Variants in WDR17 observed in about 807,000 individuals in gnomAD.
WDR17 encodes the protein WD repeat domain 17.
In WDR17, 143 loss-of-function variants were observed where a neutral mutation model predicts 161.7. The observed-to-expected ratio is 0.88, with a 90% confidence interval of 0.77 to 1.02. WDR17 has a LOEUF of 1.02. Among genes scored for constraint, WDR17 ranks in the 50% least tolerant of loss-of-function variants. The pLI, the probability that WDR17 is intolerant of heterozygous loss-of-function variation, is 0.00. For missense variants in WDR17, 1,469 were observed against 1,520.9 expected (o/e 0.97, Z 0.57); for synonymous variants, 517 against 515.6 (o/e 1.00, Z -0.04).
At chr4:176,076,542 A>G (rs1240909796) in intron 1 of WDR17, among the ~76,000 whole-genome samples, 1 of 150,738 alleles carries the variant, frequency 6.6e-6, no homozygotes, top group Non-Finnish European at 1.5e-5. Flanking sequence ...GTATCTTTCA[A>G]TTTCTCTAAA....
chr4:176,107,573 T>C (rs1339188968), intron 1 of WDR17, among the ~76,000 whole-genome samples: 1 of 151,474 alleles, frequency 6.6e-6, no homozygotes, highest in Admixed American at 6.6e-5. Context: ...ATATGGCATA[T>C]ATGCACAATG....
In WDR17 at chr4:176,181,434, T is replaced by A; in HGVS notation, c.*1855T>A. 1 of 201,298 alleles carries A rather than the reference T, an allele frequency of 5.0e-6. No homozygotes were observed. The highest frequency in any genetic ancestry group is 9.7e-6 in the Non-Finnish European group (1 of 103,320). The allele number at this position is 201,298 out of a possible 1,614,324, so 12.5% of individuals were successfully genotyped here. A position where few individuals can be genotyped will look rare whatever the true frequency, so the allele number is the denominator to read the frequency against. ...GTGAGCTGAGATCGCACTACTGCACTCCAGCCTGGGCGACAGAGCAAGACC... is the reference window on the plus strand; with the variant it reads ...GTGAGCTGAGATCGCACTACTGCACACCAGCCTGGGCGACAGAGCAAGACC... On this transcript the variant is annotated 3_prime_UTR_variant, in exon 29 of 29. Transcript: ENST00000508596.
In WDR17 at chr4:176,125,203, A is replaced by G. The variant is rs1561138031; in HGVS notation, c.638A>G (p.Asp213Gly). The change falls in exon 5 of 29, where the codon GAT becomes GGT. Residue 213 changes from aspartate to glycine, a missense_variant. Physicochemically the swap from Asp to Gly is moderately conservative, Grantham distance 94. Coordinates refer to ENST00000508596, the MANE Select transcript of WDR17 (RefSeq NM_181265.4). ...TTGGAATGGGACCCACTATCTACTG[A>G]TTATCTTCTAGTGGTTAATTTGCAT... ...TALEWDPLSTDYLLVVNLHYG... is the reference protein window; with the variant it reads ...TALEWDPLSTGYLLVVNLHYG... The G allele has an allele frequency of 1.9e-6, 3 of 1,614,106 alleles. No individual in the cohort carries two copies. Among genetic ancestry groups the G allele is most frequent in the African/African-American group, 2.7e-5 (2 of 75,020 alleles).
chr4:176,130,764 CTG>C (rs1743312161), intron 6 of WDR17, among the ~76,000 whole-genome samples: 1 of 145,428 alleles, frequency 6.9e-6, no homozygotes, highest in Admixed American at 6.8e-5. Flanking sequence ...AAAAAAAAAA[CTG>C]AGAAATATTT....
intron 22 of WDR17, chr4:176,166,151 T>C (rs749629875): frequency 2.0e-6 from 2 of 975,996 alleles, no homozygotes; most frequent in Admixed American, 6.0e-5. Context: ...ACAGGTATTA[T>C]CTACTTTTAT....
rs1049820867 is a variant in WDR17, at chr4:176,120,177, G to A, written c.538+80G>A. The A allele has an allele frequency of 2.9e-5, 31 of 1,086,364 alleles. No individual in the cohort carries two copies. In the Admixed American group the frequency reaches 6.6e-4, roughly 23 times the overall value. 67.3% of individuals were successfully genotyped at this position (1,086,364 alleles called of 1,614,324 possible). A position where few individuals can be genotyped will look rare whatever the true frequency, so the allele number is the denominator to read the frequency against. ...TTTGTACTTGCTTGGTCTTTCTAGT[G>A]ACCAGTCCCCATTGTGAATAAAACC... On this transcript the variant is annotated intron_variant, in intron 4 of 28. Coordinates refer to ENST00000508596, the MANE Select transcript of WDR17 (RefSeq NM_181265.4).
intron 10 of WDR17, among the ~76,000 whole-genome samples, chr4:176,141,048 A>G (rs996840488): frequency 2.6e-5 from 4 of 152,198 alleles, no homozygotes; most frequent in African/African-American, 9.7e-5. Flanking sequence ...AGTCTTTTCC[A>G]TACACTTCTA....
At chr4:176,137,387 A>G (rs1447628435) in intron 8 of WDR17, 133 bp from the exon 9 acceptor site, 5 of 637,394 alleles carry the variant, frequency 7.8e-6, no homozygotes, top group Non-Finnish European at 1.3e-5. Context: ...TATACAGTTA[A>G]TAATTTCAAT....
chr4:176,073,876 T>G lies in WDR17; in HGVS notation c.-7+7797T>G, dbSNP rs911147239. Among the ~76,000 whole-genome samples the G allele has an allele frequency of 4.0e-3, 613 of 151,726 alleles. 5 individuals are homozygous for G. The highest frequency in any genetic ancestry group is 0.014 in the African/African-American group (574 of 41,502). On this transcript the variant is annotated intron_variant, in intron 1 of 28. Coordinates refer to ENST00000508596, the MANE Select transcript of WDR17 (RefSeq NM_181265.4). ...GCCAGTGATGATGAGCATTTTTTCA[T>G]GTGTTTTTTGGCTGCATAAATGTCT... is the stretch of plus-strand genomic sequence containing the variant.
At chr4:176,124,448 C>A (rs940928538) in intron 4 of WDR17, among the ~76,000 whole-genome samples, 16 of 152,198 alleles carry the variant, frequency 1.1e-4, no homozygotes, top group South Asian at 2.1e-4. Context: ...ATAATTATGG[C>A]AAATGGTAAG....
At chr4:176,113,543 T>C (rs945180301) in intron 2 of WDR17, among the ~76,000 whole-genome samples, 2 of 152,030 alleles carry the variant, frequency 1.3e-5, no homozygotes, top group Non-Finnish European at 2.9e-5. Flanking sequence ...ATGTCCACTA[T>C]AAAACCTTGT....
rs927622884 is a variant in WDR17, at chr4:176,181,319, T to C, written c.*1740T>C. The C allele has an allele frequency of 6.5e-6, 1 of 154,630 alleles. No individual in the cohort carries two copies. Among genetic ancestry groups the C allele is most frequent in the Non-Finnish European group, 1.4e-5 (1 of 70,216 alleles). The allele number at this position is 154,630 out of a possible 1,614,324, so 9.6% of individuals were successfully genotyped here. A position where few individuals can be genotyped will look rare whatever the true frequency, so the allele number is the denominator to read the frequency against. On this transcript the variant is annotated 3_prime_UTR_variant, in exon 29 of 29. Transcript: ENST00000508596. ...CTGTCTCTACTAAAAATACAAAAAT[T>C]AGCTGGGTGTGGTGGTGTGTACCTG...
chr4:176,172,288 G>A, intron 23 of WDR17, 87 bp from the exon 24 acceptor site: 2 of 1,229,606 alleles, frequency 1.6e-6, no homozygotes, highest in South Asian at 2.8e-5. Flanking sequence ...AACCATACTA[G>A]GAAAGCTGAA....
chr4:176,113,669 G>T (rs1334745857), intron 2 of WDR17, among the ~76,000 whole-genome samples: 1 of 151,832 alleles, frequency 6.6e-6, no homozygotes, highest in African/African-American at 2.4e-5. Flanking sequence ...TGAAAATTAT[G>T]CTACATAAAT....
rs762472438 is a variant in WDR17 at position 176,148,335 on chromosome 4, G to T, written c.1897G>T (p.Gly633Cys). The T allele has an allele frequency of 2.5e-6, 4 of 1,611,282 alleles. No homozygotes were observed. The highest frequency in any genetic ancestry group is 1.3e-5 in the African/African-American group (1 of 74,496). Residue 633 changes from glycine (G) to cysteine (C), a missense_variant and splice_region_variant, in exon 13 of 29, where the codon GGT becomes TGT. Physicochemically the swap from Gly to Cys is radical, Grantham distance 159. Transcript: ENST00000508596. ...GTATGATCACGGTGCAGATGTATAT[G>T]GTAGAGTGTCTTTCATTCTTTCATG... ...TVYDHGADVY[G>C]LTCHPSRPFT...
chr4:176,138,687 T>A (rs1259779306), intron 9 of WDR17, among the ~76,000 whole-genome samples: 1 of 151,850 alleles, frequency 6.6e-6, no homozygotes, highest in African/African-American at 2.4e-5. Flanking sequence ...ATTAGATCAG[T>A]TGATTTCTTC....
At chr4:176,140,240 AT>A (rs1256323673) in intron 10 of WDR17, among the ~76,000 whole-genome samples, 1 of 152,060 alleles carries the variant, frequency 6.6e-6, no homozygotes, top group African/African-American at 2.4e-5. Context: ...GAAAAGACTC[AT>A]TTCTTTGCCT....
At chr4:176,173,691 ATT>A (rs1751068102) in intron 25 of WDR17, among the ~76,000 whole-genome samples, 1 of 151,668 alleles carries the variant, frequency 6.6e-6, no homozygotes, top group Non-Finnish European at 1.5e-5. Context: ...TAATTTTTGT[ATT>A]TTTAGTAGAG....
At chr4:176,132,959 T>A (rs1383732629) in intron 7 of WDR17, among the ~76,000 whole-genome samples, 3 of 151,664 alleles carry the variant, frequency 2.0e-5, no homozygotes, top group Non-Finnish European at 4.4e-5. Context: ...TTGCTTTACA[T>A]CAGCACTGGG....
Sources: gnomAD v4.1 joint callset for allele counts (sites outside exome capture counted in the v4.1 genomes callset) on GRCh38, gnomAD v4.1.1 for gene constraint, MANE v1.5 for transcripts, NCBI Gene and HGNC (gene_info 2026-07-23, HGNC 2026-07-21) for gene names.